Variants in PITPNM2 observed in about 807,000 individuals in gnomAD.
The protein encoded by PITPNM2 is membrane-associated phosphatidylinositol transfer protein 2.
PITPNM2 carries 35 observed loss-of-function variants against 132.2 expected under a neutral mutation model. The ratio of observed to expected loss-of-function variants is 0.26; its 90% CI spans 0.20 to 0.35. The LOEUF (loss-of-function observed/expected upper bound fraction) is 0.35, where lower values mean the gene tolerates loss of function less well. PITPNM2 is among the 10% of genes least tolerant of loss of function. The pLI is 1.00. For missense variants in PITPNM2, 1,332 were observed against 1,912.0 expected (o/e 0.70, Z 5.66); for synonymous variants, 738 against 799.2 (o/e 0.92, Z 1.29).
At chr12:123,037,568 C>A (rs1203545918) in intron 2 of PITPNM2, among the ~76,000 whole-genome samples, 1 of 152,164 alleles carries the variant, frequency 6.6e-6, no homozygotes, top group Non-Finnish European at 1.5e-5. Context: ...ATAACATGGT[C>A]AGACACAGAC....
intron 1 of PITPNM2, among the ~76,000 whole-genome samples, chr12:123,115,734 C>A (rs1347415281): frequency 7.0e-6 from 1 of 142,150 alleles, no homozygotes; most frequent in Non-Finnish European, 1.6e-5. Context: ...AGAGGCAGCA[C>A]CCCCAGTTGC....
chr12:123,088,673 G>T (rs1424469079), intron 2 of PITPNM2: 4 of 152,162 alleles, frequency 2.6e-5, no homozygotes, highest in African/African-American at 9.7e-5. Flanking sequence ...CAGGCCCAGA[G>T]AGTTTTATAG....
chr12:123,017,887 C>G (rs568657842), intron 3 of PITPNM2, among the ~76,000 whole-genome samples: 3 of 152,288 alleles, frequency 2.0e-5, no homozygotes, highest in Non-Finnish European at 4.4e-5. Context: ...AAGAGTGATG[C>G]TAATGGGCGC....
intron 1 of PITPNM2, among the ~76,000 whole-genome samples, chr12:123,132,660 T>C (rs1414200834): frequency 1.3e-5 from 2 of 152,070 alleles, no homozygotes; most frequent in Middle Eastern, 3.2e-3. Flanking sequence ...TTGTACTCAC[T>C]AAACACTCAT....
In PITPNM2 at chr12:123,001,129, G is replaced by A. The variant is rs1481673590; in HGVS notation, c.1078C>T (p.Pro360Ser). 2 of 1,614,170 alleles carry A rather than the reference G, an allele frequency of 1.2e-6. No individual in the cohort carries two copies. The highest frequency in any genetic ancestry group is 1.7e-6 in the Non-Finnish European group (2 of 1,180,020). Residue 360 changes from proline (P) to serine (S), a missense_variant, in exon 9 of 26, where the codon CCC (proline) becomes TCC (serine). Physicochemically the swap from Pro to Ser is moderately conservative, Grantham distance 74. This residue lies in a region of PITPNM2 where 710 missense variants were observed against 911.5 expected (regional missense o/e 0.78). Transcript: ENST00000320201. ...EDLSDTEEMF[P>S]KDITKWSSND... ...GAGCTCCACTTGGTGATGTCCTTGG[G>A]GAACATTTCCTCTGTGTCGGACAGG...
At position 123,147,654 on chromosome 12, in the gene PITPNM2, T is replaced by G. The variant is rs560328274; in HGVS notation, c.-200+3099A>C. 1.2e-4 allele frequency among the ~76,000 whole-genome samples: 18 copies of G among 152,228 alleles called. No individual in the cohort carries two copies. In the South Asian group the frequency reaches 2.3e-3, roughly 19 times the overall value. On this transcript the variant is annotated intron_variant, in intron 1 of 25. Coordinates refer to ENST00000320201, the MANE Select transcript of PITPNM2 (RefSeq NM_020845.3). Reference sequence around the variant, plus strand: ...ATAGTTGCTAGACAGAATATCACATTGTGTGCTGAGCAGCCTGGAAGCCAA... The same window carrying G: ...ATAGTTGCTAGACAGAATATCACATGGTGTGCTGAGCAGCCTGGAAGCCAA...
Position 122,983,536 on chromosome 12 carries a change from ACT to A in PITPNM2, c.*2489_*2490del, listed in dbSNP as rs1429012746. On this transcript the variant is annotated 3_prime_UTR_variant, in exon 26 of 26. Coordinates refer to ENST00000320201, the MANE Select transcript of PITPNM2 (RefSeq NM_020845.3). ...AGACATGACGTTGTATACAGAGCACACTCAGGCCCAATGATGCGGGGACAGCA... is the reference window on the plus strand; with the variant it reads ...AGACATGACGTTGTATACAGAGCACACAGGCCCAATGATGCGGGGACAGCA... 6.6e-6 allele frequency: 1 copy of A among 152,656 alleles called. No individual in the cohort carries two copies. Among genetic ancestry groups the A allele is most frequent in the African/African-American group, 2.4e-5 (1 of 41,434 alleles). The allele number at this position is 152,656 out of a possible 1,614,324, so 9.5% of individuals were successfully genotyped here.
At chr12:123,007,708 A>G (rs1297727480) in intron 6 of PITPNM2, among the ~76,000 whole-genome samples, 1 of 152,034 alleles carries the variant, frequency 6.6e-6, no homozygotes, top group Non-Finnish European at 1.5e-5. Context: ...CTTTTCTGGG[A>G]CTGTCTGCTG....
chr12:123,091,447 A>G (rs1408183699), intron 2 of PITPNM2: 1 of 152,220 alleles, frequency 6.6e-6, no homozygotes, highest in East Asian at 1.9e-4. Context: ...GAACTGATTA[A>G]GTCCATAAAT....
At chr12:123,119,363 T>TTTTTTTTTTTTTTTTTTTTTA (rs2042990590) in intron 1 of PITPNM2, among the ~76,000 whole-genome samples, 1 of 150,176 alleles carries the variant, frequency 6.7e-6, no homozygotes, top group African/African-American at 2.5e-5. Context: ...TGATTTTTTT[T>TTTTTTTTTTTTTTTTTTTTTA]TTTTTTTTTT....
intron 3 of PITPNM2, 58 bp downstream of exon 3, chr12:123,034,437 CCTAACCCACATGTGGTGT>C: frequency 7.1e-7 from 1 of 1,399,938 alleles, no homozygotes; most frequent in Non-Finnish European, 1.0e-6. Flanking sequence ...CACAACTCCA[CCTAACCCACATGTGGTGT>C]CTGTGCGCTG....
intron 2 of PITPNM2, among the ~76,000 whole-genome samples, chr12:123,071,204 G>A (rs73411090): frequency 0.042 from 6,361 of 152,268 alleles, 438 homozygotes; most frequent in African/African-American, 0.14. Context: ...CAGGCATGCC[G>A]GCTCTTCTCT....
chr12:123,076,258 G>A (rs1358032084), intron 2 of PITPNM2, among the ~76,000 whole-genome samples: 2 of 152,186 alleles, frequency 1.3e-5, no homozygotes, highest in Admixed American at 1.3e-4. Flanking sequence ...AGCAGAGGAA[G>A]AAACAGCACA....
At position 122,996,619 on chromosome 12, in the gene PITPNM2, C is replaced by T. The variant is rs554668383; in HGVS notation, c.1663-42G>A. On this transcript the variant is annotated intron_variant, in intron 12 of 25. Transcript: ENST00000320201. ...CAGAGGCCTGAGCCATTCACCCGCT[C>T]GCTGGACTATAGGCTGGGGAGGCCG... The T allele has an allele frequency of 1.4e-5, 23 of 1,612,520 alleles. No individual in the cohort carries two copies. The African/African-American group carries it at 2.1e-4, about 15-fold the overall frequency.
Position 123,099,035 on chromosome 12 carries a change from T to C in PITPNM2, c.-96+11350A>G, listed in dbSNP as rs1324038937. ...TCTCCATCAGATGTCAGCTGCTGCC[T>C]TCTCTCTGCTCTAGCTGCACTCTGT... On this transcript the variant is annotated intron_variant, in intron 2 of 25. Transcript: ENST00000320201. The surrounding 1 kb of genome is among the most constrained non-coding windows in gnomAD (Gnocchi z 4.2). Among the ~76,000 whole-genome samples the C allele has an allele frequency of 6.6e-6, 1 of 152,146 alleles. No homozygotes were observed. The highest frequency in any genetic ancestry group is 1.5e-5 in the Non-Finnish European group (1 of 68,018).
chr12:122,999,656 C>T (rs1357816197), intron 10 of PITPNM2, among the ~76,000 whole-genome samples: 1 of 152,144 alleles, frequency 6.6e-6, no homozygotes, highest in African/African-American at 2.4e-5. Context: ...CTACACTCAG[C>T]CTGCTTTCTC....
rs936573425 is a variant in PITPNM2 at position 123,005,934 on chromosome 12, T to TAA, written c.644-388_644-387dup. The TAA allele has an allele frequency of 1.2e-4, 17 of 137,022 alleles. No homozygotes were observed. The highest frequency in any genetic ancestry group is 1.9e-4 in the African/African-American group (7 of 36,654). The allele number at this position is 137,022 out of a possible 1,614,324, so 8.5% of individuals were successfully genotyped here. ...GCAACGAAACAAGACCCTGTCTCTA[T>TAA]AAAAAAAAAAAAAATTAAAAAAAAA... On this transcript the variant is annotated intron_variant, in intron 6 of 25. Transcript: ENST00000320201. This position sits in a 1 kb window ranked among gnomAD's most constrained non-coding sequence, Gnocchi z 6.2.
chr12:123,048,168 G>C (rs2040725819), intron 2 of PITPNM2, among the ~76,000 whole-genome samples: 3 of 152,094 alleles, frequency 2.0e-5, no homozygotes, highest in African/African-American at 7.2e-5. Flanking sequence ...AAAAGGGTGG[G>C]GGGAACCTGA....
chr12:122,991,755 A>T, intron 16 of PITPNM2: 1 of 1,297,370 alleles, frequency 7.7e-7, no homozygotes, highest in Non-Finnish European at 9.8e-7. Context: ...GGGTACACAC[A>T]CTCGGCACAG....
Sources: allele counts gnomAD v4.1 joint callset (sites outside exome capture counted in the v4.1 genomes callset), GRCh38; gene constraint gnomAD v4.1.1; regional missense constraint gnomAD v4.1.1; non-coding constraint Gnocchi (gnomAD v3.1); transcripts MANE v1.5; gene names NCBI Gene and HGNC (gene_info 2026-07-23, HGNC 2026-07-21).